The following MGAT4C variants were observed in gnomAD, a reference collection of about 807,000 sequenced individuals.
MGAT4C encodes alpha-1,3-mannosyl-glycoprotein 4-beta-N-acetylglucosaminyltransferase C.
In MGAT4C, 19 loss-of-function variants were observed where a neutral mutation model predicts 40.1. The ratio of observed to expected loss-of-function variants is 0.47; its 90% CI spans 0.33 to 0.70. The LOEUF (loss-of-function observed/expected upper bound fraction) is 0.70, where lower values mean the gene tolerates loss of function less well. Ranked by LOEUF, MGAT4C falls within the 30% of genes least tolerant of loss-of-function variation. MGAT4C has a pLI of 0.02. For synonymous variants in MGAT4C, 181 were observed against 187.1 expected (o/e 0.97, Z 0.27); for missense variants, 491 against 563.2 (o/e 0.87, Z 1.30).
At position 86,433,706 on chromosome 12, in the gene MGAT4C, C is replaced by T. The variant is rs1012377022; in HGVS notation, c.-120+1451G>A. On this transcript the variant is annotated intron_variant, in intron 3 of 7. Transcript: ENST00000548651. ...ATGCATAATTTAAATGAGGGCAGAA[C>T]AAGGGGAAAACGGCATTGCTAAAGT... Among the ~76,000 whole-genome samples, 3 of 151,972 alleles carry T rather than the reference C, an allele frequency of 2.0e-5. 1 individual carries two copies. Among genetic ancestry groups the T allele is most frequent in the African/African-American group, 7.2e-5 (3 of 41,482 alleles).
intron 2 of MGAT4C, among the ~76,000 whole-genome samples, chr12:86,515,631 C>T (rs1958671203): frequency 6.6e-6 from 1 of 151,874 alleles, no homozygotes; most frequent in Non-Finnish European, 1.5e-5. Context: ...TACAAAACAT[C>T]ACTGAAAAAG....
chr12:86,648,946 T>C (rs1044986264), intron 2 of MGAT4C, among the ~76,000 whole-genome samples: 3 of 151,774 alleles, frequency 2.0e-5, no homozygotes, highest in Admixed American at 2.0e-4. Context: ...GAAATTGGAG[T>C]TCTTAATTTC....
chr12:86,353,605 G>T (rs1023741712), intron 3 of MGAT4C, among the ~76,000 whole-genome samples: 3 of 152,164 alleles, frequency 2.0e-5, no homozygotes, highest in African/African-American at 7.2e-5. Context: ...TCCAAGGTCT[G>T]TCCCACTCAA....
At chr12:86,235,910 A>G (rs996426768) in intron 1 of MGAT4C, among the ~76,000 whole-genome samples, 1 of 152,086 alleles carries the variant, frequency 6.6e-6, no homozygotes, top group African/African-American at 2.4e-5. Flanking sequence ...TTTCAAAACC[A>G]CTACTACCAA....
At chr12:86,722,920 G>T (rs1950760238) in intron 2 of MGAT4C, among the ~76,000 whole-genome samples, 1 of 152,140 alleles carries the variant, frequency 6.6e-6, no homozygotes, top group African/African-American at 2.4e-5. Context: ...CATATGGTAT[G>T]CATATGGAAA....
At chr12:86,657,698 C>A (rs944671502) in intron 2 of MGAT4C, among the ~76,000 whole-genome samples, 4 of 151,736 alleles carry the variant, frequency 2.6e-5, no homozygotes, top group African/African-American at 9.7e-5. Flanking sequence ...ATGTTATGAG[C>A]AATACTATAC....
At chr12:86,711,145 A>G (rs927782728) in intron 2 of MGAT4C, among the ~76,000 whole-genome samples, 19 of 152,104 alleles carry the variant, frequency 1.2e-4, no homozygotes, top group Non-Finnish European at 1.2e-4. Flanking sequence ...AAGAACATCC[A>G]TGTGTCCAAA....
chr12:85,963,939 A>G lies in MGAT4C; in HGVS notation c.*15350T>C, dbSNP rs1416921676. ...TACTTCAAGAGTAAAATGGGAAAAA[A>G]TCATATTGGGTAAATAGTATCACCC... On this transcript the variant is annotated 3_prime_UTR_variant, in exon 5 of 5. Transcript: ENST00000611864. The G allele has an allele frequency of 6.6e-6, 1 of 152,086 alleles. No individual in the cohort carries two copies. Among genetic ancestry groups the G allele is most frequent in the Non-Finnish European group, 1.5e-5 (1 of 67,960 alleles). 9.4% of individuals were successfully genotyped at this position (152,086 alleles called of 1,614,324 possible).
intron 4 of MGAT4C, among the ~76,000 whole-genome samples, chr12:86,298,599 A>C (rs1953736633): frequency 6.6e-6 from 1 of 152,196 alleles, no homozygotes; most frequent in Non-Finnish European, 1.5e-5. Context: ...AAAATATGGC[A>C]AAGCTTAAAT....
intron 3 of MGAT4C, among the ~76,000 whole-genome samples, chr12:86,431,484 A>G (rs1319129232): frequency 6.6e-6 from 1 of 152,150 alleles, no homozygotes; most frequent in East Asian, 1.9e-4. Context: ...ATCTCCCTTG[A>G]CGAGTATACT....
chr12:86,786,991 A>G (rs1298201222), intron 1 of MGAT4C, among the ~76,000 whole-genome samples: 1 of 152,094 alleles, frequency 6.6e-6, no homozygotes, highest in Non-Finnish European at 1.5e-5. Context: ...GGCCCATCAA[A>G]CAATGTATGT....
At chr12:86,034,415 G>A (rs903740602) in intron 2 of MGAT4C, among the ~76,000 whole-genome samples, 1 of 148,922 alleles carries the variant, frequency 6.7e-6, no homozygotes, top group African/African-American at 2.4e-5. Flanking sequence ...TTTTATTACT[G>A]ATCTTATATT....
At chr12:86,054,157 C>T (rs2136978888) in intron 1 of MGAT4C, among the ~76,000 whole-genome samples, 1 of 152,172 alleles carries the variant, frequency 6.6e-6, no homozygotes, top group South Asian at 2.1e-4. Flanking sequence ...TTTATTGCAG[C>T]ACTCTTCATA....
At chr12:86,576,863 T>G (rs775951088) in intron 2 of MGAT4C, among the ~76,000 whole-genome samples, 1 of 151,862 alleles carries the variant, frequency 6.6e-6, no homozygotes, top group African/African-American at 2.4e-5. Context: ...ATAAAGAATA[T>G]CATTGGTATT....
intron 1 of MGAT4C, among the ~76,000 whole-genome samples, chr12:86,804,366 T>C (rs1351619849): frequency 2.7e-5 from 4 of 149,230 alleles, no homozygotes; most frequent in African/African-American, 7.4e-5. Flanking sequence ...TGTATACATA[T>C]GTAACTAAGC....
intron 2 of MGAT4C, among the ~76,000 whole-genome samples, chr12:86,035,586 T>C (rs1891151804): frequency 6.7e-6 from 1 of 150,198 alleles, no homozygotes; most frequent in South Asian, 2.1e-4. Flanking sequence ...TTTCATTAGA[T>C]CCTATTTGTC....
At chr12:86,460,084 G>A (rs1957575006) in intron 2 of MGAT4C, among the ~76,000 whole-genome samples, 1 of 151,978 alleles carries the variant, frequency 6.6e-6, no homozygotes. Context: ...TGGTGTGATG[G>A]TGCCCACCCA....
chr12:86,202,134 A>G (rs986769378), intron 1 of MGAT4C, among the ~76,000 whole-genome samples: 6 of 152,130 alleles, frequency 3.9e-5, no homozygotes, highest in African/African-American at 2.4e-5. Flanking sequence ...AGCACTGGCA[A>G]GACCTCTAAT....
intron 4 of MGAT4C, among the ~76,000 whole-genome samples, chr12:86,298,192 A>G (rs1953726669): frequency 6.6e-6 from 1 of 152,180 alleles, no homozygotes. Flanking sequence ...TTTCTATTCA[A>G]TGAAGTACAA....
Sources: allele counts gnomAD v4.1 joint callset (sites outside exome capture counted in the v4.1 genomes callset), GRCh38; gene constraint gnomAD v4.1.1; transcripts MANE v1.5; gene names NCBI Gene and HGNC (gene_info 2026-07-23, HGNC 2026-07-21).